The following GPR39 variants were observed in gnomAD, a reference collection of about 807,000 sequenced individuals.
GPR39 encodes zinc sensing receptor.
A neutral mutation model predicts 18.4 loss-of-function variants in GPR39; 23 were observed. That is an observed-to-expected ratio of 1.25 (90% CI 0.90 to 1.77). The LOEUF is 1.77. Ranked by LOEUF, GPR39 falls within the 40% of genes most tolerant of loss-of-function variation. The pLI is 0.00. For missense variants in GPR39, 647 were observed against 602.4 expected (o/e 1.07, Z -0.78); for synonymous variants, 280 against 257.9 (o/e 1.09, Z -0.82).
At chr2:132,422,484 T>A in intron 1 of GPR39, among the ~76,000 whole-genome samples, 1 of 150,346 alleles carries the variant, frequency 6.7e-6, no homozygotes, top group East Asian at 1.9e-4. Flanking sequence ...TTTTAGTAGT[T>A]GTTTTCTTCA....
rs1399568075 is a variant in GPR39 at position 132,526,627 on chromosome 2, C to T, written c.856+108729C>T. Among the ~76,000 whole-genome samples, 4 of 152,222 alleles carry T rather than the reference C, an allele frequency of 2.6e-5. No homozygotes were observed. In the East Asian group the frequency reaches 7.7e-4, roughly 29 times the overall value. On this transcript the variant is annotated intron_variant, in intron 1 of 1. Transcript: ENST00000329321. ...TGGATGGTTGCACCATCCTGCTGGG[C>T]TTAATACCCCACACTGCCCATCCCC...
chr2:132,426,617 A>G (rs1490633575), intron 1 of GPR39, among the ~76,000 whole-genome samples: 2 of 152,220 alleles, frequency 1.3e-5, no homozygotes, highest in African/African-American at 4.8e-5. Context: ...AATAACAGAA[A>G]TGTCTTGGGC....
intron 1 of GPR39, among the ~76,000 whole-genome samples, chr2:132,567,154 T>G (rs1680362974): frequency 6.6e-6 from 1 of 152,110 alleles, no homozygotes; most frequent in East Asian, 1.9e-4. Context: ...AAACCCCATC[T>G]CTAGTAAAAA....
At chr2:132,528,317 G>C (rs985022869) in intron 1 of GPR39, among the ~76,000 whole-genome samples, 4 of 152,160 alleles carry the variant, frequency 2.6e-5, no homozygotes, top group African/African-American at 9.7e-5. Flanking sequence ...GTACCATGCT[G>C]TTCTGGTTGC....
rs201961180 is a variant in GPR39 at position 132,492,588 on chromosome 2, A to ATC, written c.856+74691_856+74692insCT. 1.3e-3 allele frequency among the ~76,000 whole-genome samples: 182 copies of ATC among 138,056 alleles called. 4 individuals carry two copies. Among genetic ancestry groups the ATC allele is most frequent in the African/African-American group, 4.9e-3 (171 of 35,194 alleles). The allele number at this position is 138,056 out of a possible 152,430, so 90.6% of individuals were successfully genotyped here. On this transcript the variant is annotated intron_variant, in intron 1 of 1. Coordinates refer to ENST00000329321, the MANE Select transcript of GPR39 (RefSeq NM_001508.3). ...GATATATACCATATATATACACACCATATATATACCATATATACACACCAT... is the reference window on the plus strand; with the variant it reads ...GATATATACCATATATATACACACCATCTATATATACCATATATACACACCAT...
Position 132,574,215 on chromosome 2 carries a change from A to C in GPR39, c.857-70886A>C, listed in dbSNP as rs183698130. The stretch of plus-strand genomic sequence containing the variant: ...ACCTCACATTTCTGAGGCAGTGTTG[A>C]ATGAATGTTTATTCATTTTTGCCAG... On this transcript the variant is annotated intron_variant, in intron 1 of 1. Transcript: ENST00000329321. Among the ~76,000 whole-genome samples the C allele has an allele frequency of 1.3e-3, 195 of 152,318 alleles. 1 individual carries two copies. Among genetic ancestry groups the C allele is most frequent in the Admixed American group, 0.012 (179 of 15,304 alleles).
intron 1 of GPR39, among the ~76,000 whole-genome samples, chr2:132,577,425 A>G (rs1176097841): frequency 5.3e-5 from 8 of 152,166 alleles, no homozygotes; most frequent in Admixed American, 5.2e-4. Flanking sequence ...TATATCAACA[A>G]CAACTCTTAT....
intron 1 of GPR39, among the ~76,000 whole-genome samples, chr2:132,457,325 T>A (rs1404913288): frequency 6.6e-6 from 1 of 152,228 alleles, no homozygotes; most frequent in Non-Finnish European, 1.5e-5. Flanking sequence ...GATTTTCAGC[T>A]CCATCAGTTC....
intron 1 of GPR39, among the ~76,000 whole-genome samples, chr2:132,595,818 C>T (rs1439196831): frequency 6.6e-6 from 1 of 152,174 alleles, no homozygotes; most frequent in Non-Finnish European, 1.5e-5. Context: ...GAGGAATAAA[C>T]CACCAAAGCA....
chr2:132,446,214 A>G (rs1372784952), intron 1 of GPR39, among the ~76,000 whole-genome samples: 5 of 152,254 alleles, frequency 3.3e-5, no homozygotes, highest in South Asian at 4.1e-4. Flanking sequence ...GCATGGCAAT[A>G]GCGTACTGCA....
intron 1 of GPR39, chr2:132,604,682 G>A (rs909984708): frequency 2.6e-5 from 4 of 152,200 alleles, no homozygotes; most frequent in African/African-American, 9.7e-5. Context: ...TAAAAAGGAG[G>A]CCAAGTCATT....
chr2:132,536,934 C>T (rs950907867), intron 1 of GPR39, among the ~76,000 whole-genome samples: 6 of 152,116 alleles, frequency 3.9e-5, no homozygotes, highest in African/African-American at 9.7e-5. Flanking sequence ...AATTTTCCTC[C>T]ATCCATTTAT....
intron 1 of GPR39, among the ~76,000 whole-genome samples, chr2:132,497,454 C>T (rs938104166): frequency 6.6e-6 from 1 of 152,128 alleles, no homozygotes; most frequent in Non-Finnish European, 1.5e-5. Context: ...TAAGAACTTA[C>T]GTGACTACCA....
At chr2:132,483,235 C>G (rs1681267741) in intron 1 of GPR39, among the ~76,000 whole-genome samples, 1 of 152,156 alleles carries the variant, frequency 6.6e-6, no homozygotes, top group African/African-American at 2.4e-5. Context: ...TTGTTGTTGT[C>G]ATTGTTATGA....
At chr2:132,457,938 C>A (rs1680761333) in intron 1 of GPR39, among the ~76,000 whole-genome samples, 1 of 152,240 alleles carries the variant, frequency 6.6e-6, no homozygotes, top group African/African-American at 2.4e-5. Context: ...ACCTGCTGAG[C>A]CAGGCATGGG....
chr2:132,577,820 A>G (rs1364612249), intron 1 of GPR39, among the ~76,000 whole-genome samples: 3 of 152,134 alleles, frequency 2.0e-5, no homozygotes, highest in Admixed American at 2.0e-4. Flanking sequence ...TGCCATCTGC[A>G]AATAGGGGCA....
chr2:132,436,048 T>G (rs1329859889), intron 1 of GPR39, among the ~76,000 whole-genome samples: 1 of 152,222 alleles, frequency 6.6e-6, no homozygotes, highest in East Asian at 1.9e-4. Flanking sequence ...CCCAGCTGTG[T>G]GCTCATTCCA....
intron 1 of GPR39, among the ~76,000 whole-genome samples, chr2:132,493,363 T>TAC (rs1681553437): frequency 6.9e-6 from 1 of 144,246 alleles, no homozygotes; most frequent in Non-Finnish European, 1.5e-5. Context: ...ACCACATATA[T>TAC]ACACTATATA....
rs567660612 is a variant in GPR39, at chr2:132,569,053, C to T, written c.857-76048C>T. Among the ~76,000 whole-genome samples the T allele has an allele frequency of 2.6e-5, 4 of 152,242 alleles. No individual in the cohort carries two copies. The East Asian group carries it at 7.7e-4, about 29-fold the overall frequency. ...TGGTTTTATCATCTTTACAATGGGA[C>T]TAGCACCCAAGGGTTGTTGCTATGG... On this transcript the variant is annotated intron_variant, in intron 1 of 1. Transcript: ENST00000329321.
Sources: gnomAD v4.1 joint callset for allele counts (sites outside exome capture counted in the v4.1 genomes callset) on GRCh38, gnomAD v4.1.1 for gene constraint, MANE v1.5 for transcripts, NCBI Gene and HGNC (gene_info 2026-07-23, HGNC 2026-07-21) for gene names.